PDSS1: variants seen among roughly 807,000 people sequenced by gnomAD.
PDSS1 encodes all trans-polyprenyl-diphosphate synthase PDSS1.
A neutral mutation model predicts 57.5 loss-of-function variants in PDSS1; 43 were observed. The observed-to-expected ratio is 0.75, with a 90% CI of 0.59 to 0.96. The LOEUF (loss-of-function observed/expected upper bound fraction) is 0.96. PDSS1 is among the 50% of genes least tolerant of loss of function. PDSS1 has a pLI of 0.00. For missense variants in PDSS1, 438 were observed against 527.8 expected, an observed-to-expected ratio of 0.83 and a Z score of 1.67; for synonymous variants, 175 against 191.3, an observed-to-expected ratio of 0.91 and a Z score of 0.70.
intron 5 of PDSS1, among the ~76,000 whole-genome samples, chr10:26,716,747 AG>A (rs1332690097): frequency 6.6e-6 from 1 of 152,124 alleles, no homozygotes; most frequent in Non-Finnish European, 1.5e-5. Flanking sequence ...AAGTCCTGAC[AG>A]GCATGCTGAA....
chr10:26,707,945 C>T (rs181490205), intron 4 of PDSS1, among the ~76,000 whole-genome samples: 56 of 152,358 alleles, frequency 3.7e-4, no homozygotes, highest in Middle Eastern at 3.4e-3. Context: ...TAGTCTGCCT[C>T]TTGTCAGTCC....
chr10:26,739,269 C>CAGGT (rs1564436254), intron 10 of PDSS1, among the ~76,000 whole-genome samples: 2 of 152,118 alleles, frequency 1.3e-5, no homozygotes, highest in Non-Finnish European at 2.9e-5. Flanking sequence ...AGTTACAACC[C>CAGGT]GATTTATCCA....
rs537270272 is a variant in PDSS1 at position 26,709,339 on chromosome 10, C to G, written c.337-299C>G. On this transcript the variant is annotated intron_variant, in intron 4 of 11. Coordinates refer to ENST00000376215, the MANE Select transcript of PDSS1 (RefSeq NM_014317.5). ...CTTTGGGAGGCCGAGGCGGGTGGAT[C>G]ACCTGATGTCAGGAGTTTAAGACCA... is the stretch of plus-strand genomic sequence containing the variant. 1.4e-3 allele frequency among the ~76,000 whole-genome samples: 218 copies of G among 152,262 alleles called. 1 individual carries two copies. Among genetic ancestry groups the G allele is most frequent in the Non-Finnish European group, 2.6e-3 (175 of 67,994 alleles).
In PDSS1 at chr10:26,737,945, T is replaced by C. The variant is rs191464827; in HGVS notation, c.1026+2366T>C. On this transcript the variant is annotated intron_variant, in intron 10 of 11. Transcript: ENST00000376215. ...CAGCCTCAGAAAAGGGAACACAGAA[T>C]GGAGTCCAAGCAGGAAGTGACTCTG... Among the ~76,000 whole-genome samples the C allele has an allele frequency of 3.3e-5, 5 of 152,266 alleles. No homozygotes were observed. The East Asian group carries it at 9.7e-4, about 29-fold the overall frequency.
intron 1 of PDSS1, 43 bp downstream of exon 1, chr10:26,697,883 G>C: frequency 8.0e-7 from 1 of 1,254,530 alleles, no homozygotes; most frequent in Non-Finnish European, 1.0e-6. Flanking sequence ...CAGAGGTCAC[G>C]GCTCCAATGA....
At chr10:26,735,712 A>C in intron 10 of PDSS1, 133 bp downstream of exon 10, 2 of 708,402 alleles carry the variant, frequency 2.8e-6, no homozygotes, top group African/African-American at 1.7e-5. Context: ...ACAGGTCTGC[A>C]TTTGATCCTG....
intron 5 of PDSS1, among the ~76,000 whole-genome samples, chr10:26,714,421 G>A (rs1423819514): frequency 6.7e-6 from 1 of 149,830 alleles, no homozygotes; most frequent in Non-Finnish European, 1.5e-5. Context: ...GCTGCAGTGA[G>A]CAGAGATTGC....
chr10:26,715,755 T>C (rs1160971312), intron 5 of PDSS1: 4 of 152,234 alleles, frequency 2.6e-5, no homozygotes, highest in African/African-American at 9.7e-5. Context: ...GGTTAGTCCA[T>C]AGTACCCTGG....
chr10:26,728,501 G>A (rs1353933403), intron 8 of PDSS1, among the ~76,000 whole-genome samples: 5 of 151,366 alleles, frequency 3.3e-5, no homozygotes, highest in African/African-American at 9.7e-5. Context: ...AAAAAAAAAA[G>A]ATACTGTCTG....
intron 5 of PDSS1, among the ~76,000 whole-genome samples, chr10:26,710,174 G>T (rs1835378656): frequency 1.2e-5 from 1 of 82,218 alleles, no homozygotes. Context: ...AAAGTAGCAT[G>T]TACCTAAAAA....
chr10:26,730,204 G>A (rs542376618), intron 8 of PDSS1, among the ~76,000 whole-genome samples: 7 of 151,560 alleles, frequency 4.6e-5, no homozygotes, highest in East Asian at 4.0e-4. Flanking sequence ...GAGCCACCGC[G>A]CCCAGCCTAG....
chr10:26,701,729 G>A, intron 1 of PDSS1: 1 of 442,722 alleles, frequency 2.3e-6, no homozygotes, highest in Non-Finnish European at 4.5e-6. Flanking sequence ...GGAAATGTGG[G>A]GTTGCAGCCC....
chr10:26,740,141 CAAAAA>C (rs57093244), intron 10 of PDSS1, among the ~76,000 whole-genome samples: 5 of 98,470 alleles, frequency 5.1e-5, no homozygotes, highest in Non-Finnish European at 1.1e-4. Flanking sequence ...AACTCCATCT[CAAAAA>C]AAAAAAAAAA....
At chr10:26,741,586 T>A (rs1283334020) in intron 10 of PDSS1, among the ~76,000 whole-genome samples, 2 of 152,194 alleles carry the variant, frequency 1.3e-5, no homozygotes, top group Non-Finnish European at 2.9e-5. Flanking sequence ...CTCTACACAC[T>A]GCTTAAGGCA....
At chr10:26,744,375 TTTATTTTA>T (rs1311272502) in intron 11 of PDSS1, among the ~76,000 whole-genome samples, 4 of 148,924 alleles carry the variant, frequency 2.7e-5, no homozygotes, top group Non-Finnish European at 5.9e-5. Context: ...TTATTTTATT[TTTATTTTA>T]TTATTTTATT....
At chr10:26,717,682 C>G (rs1348576835) in intron 5 of PDSS1, 1 of 152,102 alleles carries the variant, frequency 6.6e-6, no homozygotes, top group African/African-American at 2.4e-5. Context: ...GCAGGAGCCC[C>G]GTCTGCTGAT....
At chr10:26,716,697 A>T (rs138956740) in intron 5 of PDSS1, among the ~76,000 whole-genome samples, 3,124 of 152,278 alleles carry the variant, frequency 0.021, 107 homozygotes, top group African/African-American at 0.07. Context: ...TCTCAAAAAA[A>T]AAAAAGATAA....
intron 10 of PDSS1, among the ~76,000 whole-genome samples, chr10:26,742,069 G>A (rs1413417571): frequency 1.3e-5 from 2 of 152,136 alleles, no homozygotes; most frequent in African/African-American, 4.8e-5. Flanking sequence ...TAGAAACGGA[G>A]TTTCACCATG....
intron 8 of PDSS1, among the ~76,000 whole-genome samples, chr10:26,725,283 C>G (rs191606246): frequency 6.6e-6 from 1 of 152,268 alleles, no homozygotes; most frequent in Admixed American, 6.5e-5. Flanking sequence ...AGAGCTTTTG[C>G]TCAGACCTCT....
Sources: allele counts gnomAD v4.1 joint callset (sites outside exome capture counted in the v4.1 genomes callset), GRCh38; gene constraint gnomAD v4.1.1; transcripts MANE v1.5; gene names NCBI Gene and HGNC (gene_info 2026-07-23, HGNC 2026-07-21).